Variants in TBC1D32 observed in about 807,000 individuals in gnomAD.
The protein encoded by TBC1D32 is TBC1 domain family member 32.
Under a neutral mutation model 170.3 loss-of-function variants are expected in TBC1D32, and 151 were observed. The observed-to-expected ratio is 0.89, with a 90% confidence interval of 0.78 to 1.01. The LOEUF (loss-of-function observed/expected upper bound fraction) is 1.01. Among genes scored for constraint, TBC1D32 ranks in the 50% least tolerant of loss-of-function variants. The probability of loss-of-function intolerance (pLI) is 0.00; values close to 1 mark genes in which losing one functional copy is unlikely to be tolerated. For synonymous variants in TBC1D32, 498 were observed against 488.0 expected (o/e 1.02, Z -0.27); for missense variants, 1,464 against 1,457.1 (o/e 1.00, Z -0.08).
chr6:121,218,912 C>G (rs1364670795), intron 21 of TBC1D32, among the ~76,000 whole-genome samples: 1 of 152,140 alleles, frequency 6.6e-6, no homozygotes, highest in Admixed American at 6.5e-5. Flanking sequence ...TCTTCCCCTT[C>G]CACCATGATT....
At chr6:121,299,814 A>T (rs542830998) in intron 9 of TBC1D32, among the ~76,000 whole-genome samples, 3 of 152,312 alleles carry the variant, frequency 2.0e-5, no homozygotes, top group African/African-American at 7.2e-5. Context: ...TATACCTATG[A>T]CAGAATCCAA....
At chr6:121,111,614 TC>T (rs1779213208) in intron 29 of TBC1D32, among the ~76,000 whole-genome samples, 1 of 152,190 alleles carries the variant, frequency 6.6e-6, no homozygotes, top group Non-Finnish European at 1.5e-5. Flanking sequence ...GGAAAATTTC[TC>T]ATTATGGTGA....
At chr6:121,294,998 T>C (rs1805404826) in intron 10 of TBC1D32, among the ~76,000 whole-genome samples, 1 of 152,116 alleles carries the variant, frequency 6.6e-6, no homozygotes, top group African/African-American at 2.4e-5. Flanking sequence ...TCTTGTCCAG[T>C]TCCTTTGCCT....
At chr6:121,319,209 G>T (rs80184355) in intron 2 of TBC1D32, among the ~76,000 whole-genome samples, 7,863 of 151,988 alleles carry the variant, frequency 0.052, 402 homozygotes, top group East Asian at 0.12. Flanking sequence ...GAACCGCTAG[G>T]GGGAGAAACA....
intron 22 of TBC1D32, among the ~76,000 whole-genome samples, chr6:121,162,433 C>T (rs1785842700): frequency 6.6e-6 from 1 of 152,062 alleles, no homozygotes; most frequent in African/African-American, 2.4e-5. Context: ...ATGACAAACC[C>T]ACAGACAGTA....
At chr6:121,252,826 C>T (rs113479375) in intron 17 of TBC1D32, among the ~76,000 whole-genome samples, 2,870 of 151,998 alleles carry the variant, frequency 0.019, 102 homozygotes, top group African/African-American at 0.066. Context: ...AACTGATCTT[C>T]AACAAAGCAT....
At chr6:121,261,895 C>T (rs1394692856) in intron 15 of TBC1D32, among the ~76,000 whole-genome samples, 2 of 148,554 alleles carry the variant, frequency 1.3e-5, no homozygotes, top group African/African-American at 5.0e-5. Context: ...TACTAGGTTA[C>T]AGGAGCTGCT....
intron 17 of TBC1D32, among the ~76,000 whole-genome samples, chr6:121,252,252 T>C (rs1360207981): frequency 6.6e-6 from 1 of 152,252 alleles, no homozygotes; most frequent in African/African-American, 2.4e-5. Flanking sequence ...TGAATCATTC[T>C]ACTATAAAGA....
chr6:121,138,173 A>G (rs1334381152), intron 24 of TBC1D32, among the ~76,000 whole-genome samples: 2 of 152,154 alleles, frequency 1.3e-5, no homozygotes, highest in Non-Finnish European at 2.9e-5. Flanking sequence ...CCATCTATAA[A>G]TTTGGGAGTA....
intron 12 of TBC1D32, among the ~76,000 whole-genome samples, chr6:121,287,600 G>A (rs1364462004): frequency 2.0e-5 from 3 of 152,012 alleles, no homozygotes; most frequent in Non-Finnish European, 4.4e-5. Flanking sequence ...TCAACAAGAC[G>A]GAAAGTTAAC....
chr6:121,128,305 T>A (rs1252807480), intron 25 of TBC1D32, among the ~76,000 whole-genome samples: 2 of 152,160 alleles, frequency 1.3e-5, no homozygotes, highest in Non-Finnish European at 2.9e-5. Flanking sequence ...TAAAAATTGA[T>A]CTATATGTGG....
In TBC1D32 at chr6:121,112,493, T is replaced by C; in HGVS notation, c.3324+12A>G. The C allele has an allele frequency of 6.3e-7, 1 of 1,594,958 alleles. No homozygotes were observed. Among genetic ancestry groups the C allele is most frequent in the Non-Finnish European group, 8.5e-7 (1 of 1,170,804 alleles). ...TTTCAAACCCTCCTTTAAAAACAGA[T>C]TGAAGTCTTACAGAAATATGTAGCC... On this transcript the variant is annotated intron_variant, in intron 29 of 31. Coordinates refer to ENST00000398212, the MANE Select transcript of TBC1D32 (RefSeq NM_152730.6).
intron 21 of TBC1D32, 36 bp from the exon 22 acceptor site, chr6:121,205,199 T>A (rs1272744203): frequency 9.7e-7 from 1 of 1,030,634 alleles, no homozygotes; most frequent in Non-Finnish European, 1.4e-6. Context: ...TGTATTTAAC[T>A]GATATCATTT....
intron 27 of TBC1D32, 70 bp downstream of exon 27, chr6:121,115,102 A>T: frequency 8.6e-7 from 1 of 1,162,304 alleles, no homozygotes; most frequent in Admixed American, 2.3e-5. Flanking sequence ...ATTAAATACT[A>T]CTGAGCACAT....
chr6:121,328,614 G>A (rs963590326), intron 1 of TBC1D32, among the ~76,000 whole-genome samples: 6 of 152,024 alleles, frequency 3.9e-5, no homozygotes, highest in African/African-American at 7.2e-5. Context: ...TCTGTACAAC[G>A]AATAAACAAG....
intron 9 of TBC1D32, among the ~76,000 whole-genome samples, chr6:121,301,960 A>T (rs542390960): frequency 6.6e-6 from 1 of 152,232 alleles, no homozygotes; most frequent in Non-Finnish European, 1.5e-5. Flanking sequence ...AACATTCATT[A>T]AATTGTGTTT....
intron 2 of TBC1D32, 78 bp from the exon 3 acceptor site, chr6:121,317,750 T>C: frequency 2.7e-6 from 3 of 1,093,986 alleles, no homozygotes; most frequent in Non-Finnish European, 3.7e-6. Flanking sequence ...TATCTAATTT[T>C]TTTTCTATAA....
chr6:121,277,976 T>C (rs1284674490), intron 15 of TBC1D32, among the ~76,000 whole-genome samples: 2 of 152,042 alleles, frequency 1.3e-5, no homozygotes, highest in African/African-American at 4.8e-5. Flanking sequence ...GGAAATATTA[T>C]GAACAATTCT....
intron 21 of TBC1D32, among the ~76,000 whole-genome samples, chr6:121,215,545 A>G (rs1028394201): frequency 4.6e-5 from 7 of 152,230 alleles, no homozygotes; most frequent in Non-Finnish European, 1.0e-4. Context: ...TCCTCACAGC[A>G]TAAGTATCAA....
Sources: gnomAD v4.1 joint callset for allele counts (sites outside exome capture counted in the v4.1 genomes callset) on GRCh38, gnomAD v4.1.1 for gene constraint, MANE v1.5 for transcripts, NCBI Gene and HGNC (gene_info 2026-07-23, HGNC 2026-07-21) for gene names.